The following ARHGAP31 variants were observed in gnomAD, a reference collection of about 807,000 sequenced individuals.
ARHGAP31 encodes the protein rho GTPase-activating protein 31.
In ARHGAP31, 34 loss-of-function variants were observed where a neutral mutation model predicts 113.9. The ratio of observed to expected loss-of-function variants is 0.30; its 90% CI spans 0.23 to 0.40. The LOEUF (loss-of-function observed/expected upper bound fraction) is 0.40. Among genes scored for constraint, ARHGAP31 ranks in the 10% least tolerant of loss-of-function variants. The pLI, the probability that ARHGAP31 is intolerant of heterozygous loss-of-function variation, is 1.00. For missense variants in ARHGAP31, 1,548 were observed against 1,767.1 expected, an observed-to-expected ratio of 0.88 and a Z score of 2.22; for synonymous variants, 650 against 684.8, an observed-to-expected ratio of 0.95 and a Z score of 0.79.
At position 119,370,810 on chromosome 3, in the gene ARHGAP31, AT is replaced by A. The variant is rs985790092; in HGVS notation, c.348+2300del. On this transcript the variant is annotated intron_variant, in intron 3 of 11. Transcript: ENST00000264245. ...TCCTTTTATAAACATTATAATACAC[AT>A]TTTTTCACCTATATTTTTACACTAT... 1.1e-4 allele frequency among the ~76,000 whole-genome samples: 17 copies of A among 152,094 alleles called. 1 individual carries two copies. Among genetic ancestry groups the A allele is most frequent in the Non-Finnish European group, 1.5e-5 (1 of 67,998 alleles).
intron 8 of ARHGAP31, 104 bp downstream of exon 8, chr3:119,393,695 A>T: frequency 1.4e-6 from 2 of 1,467,878 alleles, no homozygotes; most frequent in Non-Finnish European, 1.9e-6. Context: ...TCTGAAAGAG[A>T]AACTTATAAA....
At chr3:119,344,873 G>C (rs2080040164) in intron 1 of ARHGAP31, among the ~76,000 whole-genome samples, 1 of 152,046 alleles carries the variant, frequency 6.6e-6, no homozygotes, top group Non-Finnish European at 1.5e-5. Flanking sequence ...GGTAGGTTAG[G>C]TAACCAACCA....
At chr3:119,354,840 T>G (rs916568551) in intron 1 of ARHGAP31, among the ~76,000 whole-genome samples, 2 of 151,712 alleles carry the variant, frequency 1.3e-5, no homozygotes, top group Non-Finnish European at 2.9e-5. Flanking sequence ...AGAGACATTC[T>G]GTACTCTATA....
chr3:119,321,357 A>G (rs1483437336), intron 1 of ARHGAP31, among the ~76,000 whole-genome samples: 1 of 147,472 alleles, frequency 6.8e-6, no homozygotes, highest in African/African-American at 2.5e-5. Context: ...TTTAAAATCA[A>G]TGTTTTCATA....
At chr3:119,394,644 A>G (rs2080532316) in intron 8 of ARHGAP31, among the ~76,000 whole-genome samples, 1 of 152,006 alleles carries the variant, frequency 6.6e-6, no homozygotes, top group Non-Finnish European at 1.5e-5. Flanking sequence ...GATCCTGGAA[A>G]AAAAACCAAA....
chr3:119,332,604 T>TTCTCTCTCTCTCTC (rs34228523), intron 1 of ARHGAP31, among the ~76,000 whole-genome samples: 7 of 105,896 alleles, frequency 6.6e-5, no homozygotes, highest in South Asian at 3.6e-4. Context: ...CTCTCTCTCT[T>TTCTCTCTCTCTCTC]TCTCTCTCTC....
intron 1 of ARHGAP31, among the ~76,000 whole-genome samples, chr3:119,320,152 T>C (rs1054576152): frequency 1.3e-5 from 2 of 152,238 alleles, no homozygotes; most frequent in Non-Finnish European, 2.9e-5. Context: ...TATGTAGTAT[T>C]ACTTGAAGGA....
chr3:119,333,490 C>T (rs1272126607), intron 1 of ARHGAP31, among the ~76,000 whole-genome samples: 2 of 152,150 alleles, frequency 1.3e-5, no homozygotes, highest in African/African-American at 2.4e-5. Flanking sequence ...AGTATTTCGT[C>T]TTTTCTGAGC....
At position 119,413,985 on chromosome 3, in the gene ARHGAP31, C is replaced by A; in HGVS notation, c.2056C>A (p.Leu686Ile). The A allele has an allele frequency of 6.2e-7, 1 of 1,614,210 alleles. No individual in the cohort carries two copies. The highest frequency in any genetic ancestry group is 8.5e-7 in the Non-Finnish European group (1 of 1,180,036). ...ALKTSPIQPI[L>I]ESSLGPFIPS... Reference sequence around the variant, plus strand: ...GAAGACCAGCCCAATTCAGCCTATTCTCGAGTCGAGTCTGGGGCCCTTTAT... The same window carrying A: ...GAAGACCAGCCCAATTCAGCCTATTATCGAGTCGAGTCTGGGGCCCTTTAT... Residue 686 changes from leucine (L) to isoleucine (I), a missense_variant, in exon 12 of 12, where the codon CTC (leucine) becomes ATC (isoleucine). Physicochemically the swap from Leu to Ile is conservative, Grantham distance 5. Coordinates refer to ENST00000264245, the MANE Select transcript of ARHGAP31 (RefSeq NM_020754.4).
Position 119,362,984 on chromosome 3 carries a change from TGTAA to T in ARHGAP31, c.101-2328_101-2325del, listed in dbSNP as rs59849757. 7.7e-3 allele frequency among the ~76,000 whole-genome samples: 1,173 copies of T among 152,300 alleles called. 37 individuals carry two copies. In the East Asian group the frequency reaches 0.1, roughly 14 times the overall value. ...TATGCCAGGGTCTGTGCCAAATATT[TGTAA>T]GTATTATTTCAGTCCTAGCTACAAG... On this transcript the variant is annotated intron_variant, in intron 1 of 11. Coordinates refer to ENST00000264245, the MANE Select transcript of ARHGAP31 (RefSeq NM_020754.4).
Position 119,415,417 on chromosome 3 carries a change from A to G in ARHGAP31, c.3488A>G (p.Gln1163Arg). The G allele has an allele frequency of 6.2e-7, 1 of 1,614,074 alleles. No individual in the cohort carries two copies. The highest frequency in any genetic ancestry group is 1.3e-5 in the African/African-American group (1 of 75,046). ...DPWRVYSQDP[Q>R]DLDIVAHALT... ...TGGAGGGTTTACTCCCAGGACCCCC[A>G]GGACCTGGACATTGTTGCTCATGCA... Residue 1163 changes from glutamine (Q) to arginine (R), a missense_variant, in exon 12 of 12, where the codon CAG (glutamine) becomes CGG (arginine). Physicochemically the swap from Gln to Arg is conservative, Grantham distance 43 (BLOSUM62 1). Coordinates refer to ENST00000264245, the MANE Select transcript of ARHGAP31 (RefSeq NM_020754.4).
rs200172467 is a variant in ARHGAP31, at chr3:119,414,078, G to T, written c.2149G>T (p.Val717Leu). 1.2e-6 allele frequency: 2 copies of T among 1,614,184 alleles called. No homozygotes were observed. Among genetic ancestry groups the T allele is most frequent in the Non-Finnish European group, 1.7e-6 (2 of 1,180,040 alleles). ...FPAPVSTPLE[V>L]WTRDPANQST... ...TGCTCCAGTCTCCACCCCTCTGGAG[G>T]TGTGGACTAGGGATCCAGCCAATCA... The change falls in exon 12 of 12, where the codon GTG becomes TTG. Residue 717 changes from valine to leucine, a missense_variant. Val to Leu is a conservative substitution (Grantham distance 32, BLOSUM62 1). Transcript: ENST00000264245.
chr3:119,307,940 C>CAAAAAAAAAAAAAAAAAAAAAGAAAAAA (rs71156742), intron 1 of ARHGAP31, among the ~76,000 whole-genome samples: 1 of 45,452 alleles, frequency 2.2e-5, no homozygotes, highest in Admixed American at 4.6e-4. Flanking sequence ...GAATTAACAG[C>CAAAAAAAAAAAAAAAAAAAAAGAAAAAA]AAAAAAAAAA....
chr3:119,353,881 C>T, intron 1 of ARHGAP31, among the ~76,000 whole-genome samples: 1 of 151,778 alleles, frequency 6.6e-6, no homozygotes, highest in African/African-American at 2.4e-5. Context: ...TTCTTGAAGG[C>T]AAAGATCTTA....
At chr3:119,323,955 C>T (rs1455947447) in intron 1 of ARHGAP31, among the ~76,000 whole-genome samples, 1 of 152,110 alleles carries the variant, frequency 6.6e-6, no homozygotes, top group Admixed American at 6.6e-5. Flanking sequence ...AGAAGGTGGG[C>T]CCCCAAGGAG....
intron 1 of ARHGAP31, among the ~76,000 whole-genome samples, chr3:119,363,204 T>C (rs2080225370): frequency 1.3e-5 from 2 of 152,082 alleles, no homozygotes; most frequent in South Asian, 4.2e-4. Flanking sequence ...CAACAGGGAT[T>C]TTGAGAGAGA....
At chr3:119,340,017 T>C (rs979166914) in intron 1 of ARHGAP31, among the ~76,000 whole-genome samples, 2 of 152,190 alleles carry the variant, frequency 1.3e-5, no homozygotes, top group African/African-American at 4.8e-5. Flanking sequence ...AGGTGCAAAC[T>C]GCACATCCAA....
chr3:119,369,075 T>C (rs2080274323), intron 3 of ARHGAP31, among the ~76,000 whole-genome samples: 1 of 152,072 alleles, frequency 6.6e-6, no homozygotes, highest in South Asian at 2.1e-4. Flanking sequence ...GTGGAGAGGA[T>C]GGATGGGCAT....
intron 1 of ARHGAP31, among the ~76,000 whole-genome samples, chr3:119,342,949 CA>C (rs111606896): frequency 6.6e-4 from 91 of 138,546 alleles, no homozygotes; most frequent in Admixed American, 5.8e-4. Context: ...AACTCTGTCT[CA>C]AAAAAAAAAA....
Sources: allele counts gnomAD v4.1 joint callset (sites outside exome capture counted in the v4.1 genomes callset), GRCh38; gene constraint gnomAD v4.1.1; transcripts MANE v1.5; gene names NCBI Gene and HGNC (gene_info 2026-07-23, HGNC 2026-07-21).